PRICKLE1: variants seen among roughly 807,000 people sequenced by gnomAD.
PRICKLE1 encodes the protein prickle planar cell polarity protein 1, also known as prickle-like protein 1.
Under a neutral mutation model 70.2 loss-of-function variants are expected in PRICKLE1, and 14 were observed. The ratio of observed to expected loss-of-function variants is 0.20; its 90% CI spans 0.13 to 0.31. PRICKLE1 has a LOEUF of 0.31. Among genes scored for constraint, PRICKLE1 ranks in the 10% least tolerant of loss-of-function variants. The pLI is 1.00. For missense variants in PRICKLE1, 821 were observed against 1,026.2 expected, an observed-to-expected ratio of 0.80 and a Z score of 2.73; for synonymous variants, 357 against 379.9, an observed-to-expected ratio of 0.94 and a Z score of 0.70.
intron 1 of PRICKLE1, among the ~76,000 whole-genome samples, chr12:42,553,399 A>G (rs367961779): frequency 1.2e-4 from 18 of 151,462 alleles, no homozygotes; most frequent in East Asian, 2.0e-4. Context: ...AGCCGAGATC[A>G]CGCCACTGCA....
chr12:42,577,108 G>A (rs1015472059), intron 1 of PRICKLE1, among the ~76,000 whole-genome samples: 2 of 152,164 alleles, frequency 1.3e-5, no homozygotes, highest in Non-Finnish European at 2.9e-5. Flanking sequence ...CAATGGGCAC[G>A]CACATTTTAA....
In PRICKLE1 at chr12:42,527,866, G is replaced by A. The variant is rs188198524; in HGVS notation, c.-48-55302C>T. Among the ~76,000 whole-genome samples the A allele has an allele frequency of 7.6e-3, 1,095 of 143,262 alleles. 15 individuals carry two copies. The highest frequency in any genetic ancestry group is 0.027 in the African/African-American group (1,048 of 38,514). The allele number at this position is 143,262 out of a possible 152,430, so 94.0% of individuals were successfully genotyped here. ...ATCTGAGATCCGTATGTAATGATAAGTAATCTATTAAATAGGGGCTACCAA... is the reference window on the plus strand; with the variant it reads ...ATCTGAGATCCGTATGTAATGATAAATAATCTATTAAATAGGGGCTACCAA... On this transcript the variant is annotated intron_variant, in intron 1 of 7. Coordinates refer to ENST00000345127, the MANE Select transcript of PRICKLE1 (RefSeq NM_153026.3).
At chr12:42,522,881 A>C (rs180809284) in intron 1 of PRICKLE1, among the ~76,000 whole-genome samples, 33 of 152,206 alleles carry the variant, frequency 2.2e-4, no homozygotes, top group African/African-American at 7.7e-4. Context: ...TGTGCCATGC[A>C]TTTTATCCTT....
At chr12:42,471,521 C>G (rs1430421690) in intron 2 of PRICKLE1, among the ~76,000 whole-genome samples, 1 of 152,160 alleles carries the variant, frequency 6.6e-6, no homozygotes, top group East Asian at 1.9e-4. Flanking sequence ...ATTCTATCAG[C>G]TCTAGAAGCT....
chr12:42,575,986 CAG>C (rs1781523160), intron 1 of PRICKLE1, among the ~76,000 whole-genome samples: 1 of 152,180 alleles, frequency 6.6e-6, no homozygotes, highest in Admixed American at 6.5e-5. Context: ...AACATATTGC[CAG>C]TAAGTGCTTA....
chr12:42,580,144 G>A (rs1417189768), intron 1 of PRICKLE1, among the ~76,000 whole-genome samples: 1 of 151,990 alleles, frequency 6.6e-6, no homozygotes, highest in Non-Finnish European at 1.5e-5. Context: ...CAAAGTGCTG[G>A]GATTACAGGT....
intron 6 of PRICKLE1, 42 bp from the exon 7 acceptor site, chr12:42,465,300 A>G: frequency 6.2e-7 from 1 of 1,604,288 alleles, no homozygotes; most frequent in Non-Finnish European, 8.5e-7. Flanking sequence ...TTATGGTTTA[A>G]TGCCTGAAAC....
At position 42,481,475 on chromosome 12, in the gene PRICKLE1, C is replaced by T. The variant is rs150901337; in HGVS notation, c.-48-8911G>A. On this transcript the variant is annotated intron_variant, in intron 1 of 7. Transcript: ENST00000345127. Reference sequence around the variant, plus strand: ...ATCCTCTGATCACCAAAAGCCAGAACAGATACTGATTTGTGAAGTCAGTTA... The same window carrying T: ...ATCCTCTGATCACCAAAAGCCAGAATAGATACTGATTTGTGAAGTCAGTTA... 8.5e-5 allele frequency among the ~76,000 whole-genome samples: 13 copies of T among 152,302 alleles called. 1 individual carries two copies. In the East Asian group the frequency reaches 2.3e-3, roughly 27 times the overall value.
In PRICKLE1 at chr12:42,472,493, C is replaced by T. The variant is rs764895665; in HGVS notation, c.24G>A (p.Lys8=). 6.2e-7 allele frequency: 1 copy of T among 1,614,204 alleles called. No individual in the cohort carries two copies. The highest frequency in any genetic ancestry group is 8.5e-7 in the Non-Finnish European group (1 of 1,180,044). Reference sequence around the variant, plus strand: ...GACAGCCAAAGGCCAGTTTGCTCATCTTGGGCTCCATCTCCAAAGGCATAA... The same window carrying T: ...GACAGCCAAAGGCCAGTTTGCTCATTTTGGGCTCCATCTCCAAAGGCATAA... MPLEMEP[K]MSKLAFGCQR... The change falls in exon 2 of 8, where the codon AAG becomes AAA. Residue 8 remains lysine, a synonymous_variant. Coordinates refer to ENST00000345127, the MANE Select transcript of PRICKLE1 (RefSeq NM_153026.3).
intron 1 of PRICKLE1, among the ~76,000 whole-genome samples, chr12:42,586,204 A>G (rs936226201): frequency 6.6e-6 from 1 of 152,182 alleles, no homozygotes; most frequent in Non-Finnish European, 1.5e-5. Context: ...TGGAATAATC[A>G]TACATAGATT....
intron 1 of PRICKLE1, among the ~76,000 whole-genome samples, chr12:42,476,092 C>CA (rs398044331): frequency 0.19 from 19,144 of 101,542 alleles, 1,579 homozygotes; most frequent in Admixed American, 0.22. Context: ...AACTCCGTCT[C>CA]AAAAAAAAAA....
At chr12:42,497,465 C>T (rs751088268) in intron 1 of PRICKLE1, among the ~76,000 whole-genome samples, 5 of 147,454 alleles carry the variant, frequency 3.4e-5, no homozygotes, top group South Asian at 2.2e-4. Flanking sequence ...GGGCGAATGG[C>T]GTGAACCCGG....
intron 1 of PRICKLE1, among the ~76,000 whole-genome samples, chr12:42,473,996 G>C (rs111559721): frequency 6.6e-6 from 1 of 152,088 alleles, no homozygotes; most frequent in East Asian, 1.9e-4. Flanking sequence ...ATTATTGGCC[G>C]GGCGTGGTAG....
At chr12:42,582,793 A>G (rs1292264732) in intron 1 of PRICKLE1, among the ~76,000 whole-genome samples, 1 of 152,192 alleles carries the variant, frequency 6.6e-6, no homozygotes, top group African/African-American at 2.4e-5. Flanking sequence ...TTAAAACATT[A>G]TGAGATTTGT....
intron 1 of PRICKLE1, among the ~76,000 whole-genome samples, chr12:42,523,445 CTTTTTCACA>C: frequency 6.6e-6 from 1 of 152,294 alleles, no homozygotes; most frequent in Middle Eastern, 3.4e-3. Flanking sequence ...TGTCAACAAA[CTTTTTCACA>C]CTAGTGCATC....
intron 1 of PRICKLE1, among the ~76,000 whole-genome samples, chr12:42,478,702 T>C (rs1431849217): frequency 6.7e-6 from 1 of 149,726 alleles, no homozygotes; most frequent in African/African-American, 2.5e-5. Flanking sequence ...AAGCCCAAGG[T>C]CATGTAGAGA....
At chr12:42,554,941 T>C (rs1366615672) in intron 1 of PRICKLE1, among the ~76,000 whole-genome samples, 1 of 151,950 alleles carries the variant, frequency 6.6e-6, no homozygotes, top group Non-Finnish European at 1.5e-5. Flanking sequence ...GACACTTAGA[T>C]GGGATGGTTC....
intron 3 of PRICKLE1, 123 bp from the exon 4 acceptor site, chr12:42,469,710 C>A: frequency 1.6e-6 from 2 of 1,258,808 alleles, no homozygotes; most frequent in Non-Finnish European, 2.3e-6. Context: ...TGTCACACCC[C>A]CACGATTTTA....
rs1938197070 is a variant in PRICKLE1, at chr12:42,468,695, C to G, written c.519G>C (p.Gln173His). ...ELLVDLIYFY[Q>H]DGKIHCGRHH... Reference sequence around the variant, plus strand: ...GCCTGCCACAGTGAATTTTTCCATCCTGATAAAAATAGATGAGGTCGACCA... The same window carrying G: ...GCCTGCCACAGTGAATTTTTCCATCGTGATAAAAATAGATGAGGTCGACCA... Residue 173 changes from glutamine (Q) to histidine (H), a missense_variant, in exon 5 of 8, where the codon CAG (glutamine) becomes CAC (histidine). Physicochemically the swap from Gln to His is conservative, Grantham distance 24. Coordinates refer to ENST00000345127, the MANE Select transcript of PRICKLE1 (RefSeq NM_153026.3). 3 of 1,614,038 alleles carry G rather than the reference C, an allele frequency of 1.9e-6. No individual in the cohort carries two copies. Among genetic ancestry groups the G allele is most frequent in the Non-Finnish European group, 2.5e-6 (3 of 1,179,994 alleles).
Sources: gnomAD v4.1 joint callset for allele counts (sites outside exome capture counted in the v4.1 genomes callset) on GRCh38, gnomAD v4.1.1 for gene constraint, MANE v1.5 for transcripts, NCBI Gene and HGNC (gene_info 2026-07-23, HGNC 2026-07-21) for gene names.